Variants in ALDH16A1 observed in about 807,000 individuals in gnomAD.
ALDH16A1 encodes the protein aldehyde dehydrogenase 16 family member A1, also known as aldehyde dehydrogenase family 16 member A1.
ALDH16A1 carries 88 observed loss-of-function variants against 96.1 expected under a neutral mutation model. The ratio of observed to expected loss-of-function variants is 0.92; its 90% confidence interval spans 0.77 to 1.09. The LOEUF (loss-of-function observed/expected upper bound fraction) is 1.09. ALDH16A1 is among the 50% of genes least tolerant of loss of function. ALDH16A1 has a pLI of 0.00. For missense variants in ALDH16A1, 1,250 were observed against 1,112.6 expected, an observed-to-expected ratio of 1.12 and a Z score of -1.76; for synonymous variants, 522 against 496.4, an observed-to-expected ratio of 1.05 and a Z score of -0.69.
At chr19:49,458,931 C>G (rs2079121063) in intron 2 of ALDH16A1, 29 bp from the exon 3 acceptor site, 1 of 1,603,618 alleles carries the variant, frequency 6.2e-7, no homozygotes, top group South Asian at 1.1e-5. Flanking sequence ...CTACTCCTCC[C>G]ATCTGAGTCC....
In ALDH16A1 at chr19:49,468,770, C is replaced by CCCA; in HGVS notation, c.2125-93_2125-91dup. On this transcript the variant is annotated intron_variant, in intron 15 of 16. Coordinates refer to ENST00000293350, the MANE Select transcript of ALDH16A1 (RefSeq NM_153329.4). The surrounding 1 kb of genome is among the most constrained non-coding windows in gnomAD (Gnocchi z 4.4). ...CCTGGGGCTTTCTCCTCCATGACCC[C>CCCA]CCATCCCCTTCCCTCCCATGGGCAC... The CCCA allele has an allele frequency of 1.4e-6, 2 of 1,462,962 alleles. No individual in the cohort carries two copies. Among genetic ancestry groups the CCCA allele is most frequent in the Non-Finnish European group, 1.9e-6 (2 of 1,071,452 alleles). 90.6% of individuals were successfully genotyped at this position (1,462,962 alleles called of 1,614,324 possible). A position where few individuals can be genotyped will look rare whatever the true frequency, so the allele number is the denominator to read the frequency against.
intron 2 of ALDH16A1, 42 bp from the exon 3 acceptor site, chr19:49,458,918 G>A: frequency 6.3e-7 from 1 of 1,596,138 alleles, no homozygotes; most frequent in Middle Eastern, 1.7e-4. Flanking sequence ...GATATGACAT[G>A]GGCTACTCCT....
chr19:49,454,156 G>A (rs1290188054), intron 1 of ALDH16A1, among the ~76,000 whole-genome samples: 4 of 151,082 alleles, frequency 2.6e-5, no homozygotes, highest in African/African-American at 9.7e-5. Flanking sequence ...CCAAGTAACT[G>A]GGACCAGAGA....
intron 1 of ALDH16A1, 64 bp downstream of exon 1, chr19:49,453,485 CG>C: frequency 1.4e-6 from 2 of 1,415,516 alleles, no homozygotes; most frequent in Non-Finnish European, 9.5e-7. Flanking sequence ...CGGTTTTTCG[CG>C]GGGAGTCCCG....
At chr19:49,453,579 C>A (rs1343834514) in intron 1 of ALDH16A1, 158 bp downstream of exon 1, 1 of 671,032 alleles carries the variant, frequency 1.5e-6, no homozygotes, top group Non-Finnish European at 2.5e-6. Context: ...CCCTGTAGGA[C>A]GCTCCCTTGA....
In ALDH16A1 at chr19:49,468,390, C is replaced by G. The variant is rs2079216874; in HGVS notation, c.1948C>G (p.Leu650Val). ...CCACCTGTCCCTGCAGGTAGCCGGG[C>G]TGAGAGGCCCTGTGCTGCGCCTGCG... is the stretch of plus-strand genomic sequence containing the variant. Reference protein sequence around the residue: ...AQGHTLQVAGLRGPVLRLREP... With the variant: ...AQGHTLQVAGVRGPVLRLREP... Residue 650 changes from leucine to valine, a missense_variant, in exon 15 of 17, where the codon CTG becomes GTG. Transcript: ENST00000293350. This position sits in a 1 kb window ranked among gnomAD's most constrained non-coding sequence, Gnocchi z 4.4. The G allele has an allele frequency of 1.3e-6, 2 of 1,598,982 alleles. No homozygotes were observed. Among genetic ancestry groups the G allele is most frequent in the Middle Eastern group, 1.9e-4 (1 of 5,348 alleles).
At chr19:49,465,450 C>T (rs10422735) in intron 12 of ALDH16A1, among the ~76,000 whole-genome samples, 54,223 of 147,046 alleles carry the variant, frequency 0.37, 10,140 homozygotes, top group Middle Eastern at 0.51. Context: ...CTCATGGGAG[C>T]AGAAACTTGA....
In ALDH16A1 at chr19:49,466,111, C is replaced by A. The variant is rs1475750925; in HGVS notation, c.1766C>A (p.Ala589Glu). The change falls in exon 14 of 17, where the codon GCA (alanine) becomes GAA (glutamate). Residue 589 changes from alanine (A) to glutamate (E), a missense_variant. Physicochemically the swap from Ala to Glu is moderately radical, Grantham distance 107 (BLOSUM62 -1). Coordinates refer to ENST00000293350, the MANE Select transcript of ALDH16A1 (RefSeq NM_153329.4). Reference sequence around the variant, plus strand: ...GCGGGCCAGTCCCCAGGAGCCCGGGCAGCCCTGCTGTGGGCCCTGGCGGCT... The same window carrying A: ...GCGGGCCAGTCCCCAGGAGCCCGGGAAGCCCTGCTGTGGGCCCTGGCGGCT... ...GWAGQSPGAR[A>E]ALLWALAAAL... 7.1e-6 allele frequency: 11 copies of A among 1,549,770 alleles called. No individual in the cohort carries two copies. Among genetic ancestry groups the A allele is most frequent in the Non-Finnish European group, 7.8e-6 (9 of 1,150,800 alleles).
chr19:49,459,035 T>G lies in ALDH16A1; in HGVS notation c.269T>G (p.Phe90Cys), dbSNP rs766309658. The G allele has an allele frequency of 6.2e-7, 1 of 1,613,342 alleles. No homozygotes were observed. The highest frequency in any genetic ancestry group is 8.5e-7 in the Non-Finnish European group (1 of 1,179,998). ...AAAVEAARMA[F>C]KGWSAHPGVV... ...GCCGTGGAGGCAGCCAGGATGGCAT[T>G]TAAGGGCTGGAGTGCGCACCCCGGC... is the stretch of plus-strand genomic sequence containing the variant. Residue 90 changes from phenylalanine to cysteine, a missense_variant, in exon 3 of 17, where the codon TTT becomes TGT. Transcript: ENST00000293350. The surrounding 1 kb of genome is among the most constrained non-coding windows in gnomAD (Gnocchi z 4.1).
rs1033224470 is a variant in ALDH16A1, at chr19:49,464,046, C to T, written c.1195-81C>T. On this transcript the variant is annotated intron_variant, in intron 9 of 16. Coordinates refer to ENST00000293350, the MANE Select transcript of ALDH16A1 (RefSeq NM_153329.4). ...CCTTGGGGTAACCATGTGACCTGGG[C>T]GTGGGGGCTGCTGCCTGCTCTAGGC... The T allele has an allele frequency of 8.9e-5, 141 of 1,576,318 alleles. 2 individuals are homozygous for T. The East Asian group carries it at 2.7e-3, about 31-fold the overall frequency.
In ALDH16A1 at chr19:49,459,098, G is replaced by T. The variant is rs369600719; in HGVS notation, c.320+12G>T. 6.2e-7 allele frequency: 1 copy of T among 1,609,748 alleles called. No individual in the cohort carries two copies. Among genetic ancestry groups the T allele is most frequent in the East Asian group, 2.2e-5 (1 of 44,772 alleles). On this transcript the variant is annotated intron_variant, in intron 3 of 16. Transcript: ENST00000293350. This position sits in a 1 kb window ranked among gnomAD's most constrained non-coding sequence, Gnocchi z 4.1. ...CAGCACCTGACCAGGTGATGCAGCT[G>T]AGGTGTGGACCCCGGGAGGCGGGGA...
chr19:49,464,568 C>A, intron 11 of ALDH16A1, 46 bp downstream of exon 11: 2 of 1,613,338 alleles, frequency 1.2e-6, no homozygotes, highest in Non-Finnish European at 1.7e-6. Context: ...CCGCCCCATG[C>A]CCTTGACACT....
At position 49,462,727 on chromosome 19, in the gene ALDH16A1, T is replaced by G; in HGVS notation, c.1070T>G (p.Val357Gly). The G allele has an allele frequency of 6.2e-7, 1 of 1,600,306 alleles. No homozygotes were observed. Among genetic ancestry groups the G allele is most frequent in the Non-Finnish European group, 8.5e-7 (1 of 1,174,646 alleles). Reference sequence around the variant, plus strand: ...GCATGTGACCTGGTCCAGCGCTTTGTGCGTGAGGCCCAGAGCCAGGGTGCA... The same window carrying G: ...GCATGTGACCTGGTCCAGCGCTTTGGGCGTGAGGCCCAGAGCCAGGGTGCA... ...AAACDLVQRF[V>G]REAQSQGAQV... The change falls in exon 8 of 17, where the codon GTG (valine) becomes GGG (glycine). Residue 357 changes from valine to glycine, a missense_variant. Transcript: ENST00000293350.
Position 49,462,696 on chromosome 19 carries a change from G to A in ALDH16A1, c.1039G>A (p.Ala347Thr), listed in dbSNP as rs202128945. Residue 347 changes from alanine to threonine, a missense_variant, in exon 8 of 17, where the codon GCT (alanine) becomes ACT (threonine). Ala to Thr is a moderately conservative substitution (Grantham distance 58). Coordinates refer to ENST00000293350, the MANE Select transcript of ALDH16A1 (RefSeq NM_153329.4). ...DGAVDMGARG[A>T]AACDLVQRFV... ...GGCCGTGGACATGGGGGCCCGGGGG[G>A]CTGCCGCATGTGACCTGGTCCAGCG... 183 of 1,607,812 alleles carry A rather than the reference G, an allele frequency of 1.1e-4. No individual in the cohort carries two copies. The highest frequency in any genetic ancestry group is 1.4e-4 in the Non-Finnish European group (169 of 1,178,398).
Position 49,459,162 on chromosome 19 carries a change from T to C in ALDH16A1, c.320+76T>C. The C allele has an allele frequency of 6.5e-7, 1 of 1,540,892 alleles. No homozygotes were observed. Among genetic ancestry groups the C allele is most frequent in the Non-Finnish European group, 8.8e-7 (1 of 1,142,728 alleles). On this transcript the variant is annotated intron_variant, in intron 3 of 16. Transcript: ENST00000293350. The surrounding 1 kb of genome is among the most constrained non-coding windows in gnomAD (Gnocchi z 4.1). ...CTCGAGACCATGGGAACAAAGGCTA[T>C]TTCCCAAGATCCCACTGAATTAATT... is the stretch of plus-strand genomic sequence containing the variant.
chr19:49,466,599 G>A (rs1301483503), intron 14 of ALDH16A1, among the ~76,000 whole-genome samples: 1 of 152,190 alleles, frequency 6.6e-6, no homozygotes, highest in Non-Finnish European at 1.5e-5. Flanking sequence ...AGTGGCTCAC[G>A]CCTGTAATCC....
In ALDH16A1 at chr19:49,467,772, C is replaced by G. The variant is rs752383928; in HGVS notation, c.1939-609C>G. ...CGCAGGCTTGTTACATAGGGATACA[C>G]GTGCCATGGTGGTTTGCTGCACCTA... On this transcript the variant is annotated intron_variant, in intron 14 of 16. Coordinates refer to ENST00000293350, the MANE Select transcript of ALDH16A1 (RefSeq NM_153329.4). Among the ~76,000 whole-genome samples, 116 of 152,018 alleles carry G rather than the reference C, an allele frequency of 7.6e-4. 1 individual carries two copies. Among genetic ancestry groups the G allele is most frequent in the Non-Finnish European group, 4.4e-4 (30 of 67,990 alleles).
At chr19:49,466,778 T>A (rs1457532119) in intron 14 of ALDH16A1, among the ~76,000 whole-genome samples, 1 of 151,788 alleles carries the variant, frequency 6.6e-6, no homozygotes, top group Non-Finnish European at 1.5e-5. Flanking sequence ...GAAAATTGCT[T>A]GAACCCAGGA....
chr19:49,464,026 G>A lies in ALDH16A1; in HGVS notation c.1194+77G>A, dbSNP rs968070124. 7.0e-5 allele frequency: 110 copies of A among 1,577,196 alleles called. No homozygotes were observed. The highest frequency in any genetic ancestry group is 3.4e-4 in the Middle Eastern group (2 of 5,882). On this transcript the variant is annotated intron_variant, in intron 9 of 16. Transcript: ENST00000293350. ...AGCTCTGTGCCTGGGGAAGCCCTTG[G>A]GGTAACCATGTGACCTGGGCGTGGG... is the stretch of plus-strand genomic sequence containing the variant.
Sources: allele counts gnomAD v4.1 joint callset (sites outside exome capture counted in the v4.1 genomes callset), GRCh38; gene constraint gnomAD v4.1.1; non-coding constraint Gnocchi (gnomAD v3.1); transcripts MANE v1.5; gene names NCBI Gene and HGNC (gene_info 2026-07-23, HGNC 2026-07-21).